IGSF9B: variants seen among roughly 807,000 people sequenced by gnomAD.
IGSF9B encodes the protein protein turtle homolog B.
IGSF9B carries 48 observed loss-of-function variants against 143.7 expected under a neutral mutation model. The observed-to-expected ratio is 0.33, with a 90% CI of 0.26 to 0.42. The LOEUF (loss-of-function observed/expected upper bound fraction) is 0.42, where lower values mean the gene tolerates loss of function less well. Among genes scored for constraint, IGSF9B ranks in the 20% least tolerant of loss-of-function variants. IGSF9B has a pLI of 1.00. For synonymous variants in IGSF9B, 903 were observed against 833.1 expected, an observed-to-expected ratio of 1.08 and a Z score of -1.44; for missense variants, 1,706 against 1,980.0, an observed-to-expected ratio of 0.86 and a Z score of 2.63.
rs1369951933 is a variant in IGSF9B, at chr11:133,905,006, C to T, written c.*4063G>A. On this transcript the variant is annotated 3_prime_UTR_variant, in exon 20 of 20. Transcript: ENST00000533871. This position sits in a 1 kb window ranked among gnomAD's most constrained non-coding sequence, Gnocchi z 4.0. ...CCAGGCAGGGCTGGGTTAGAAGCCCCGGTGGGAATGTGCACAGCTCCTAGA... is the reference window on the plus strand; with the variant it reads ...CCAGGCAGGGCTGGGTTAGAAGCCCTGGTGGGAATGTGCACAGCTCCTAGA... 1.3e-5 allele frequency among the ~76,000 whole-genome samples: 2 copies of T among 150,654 alleles called. No individual in the cohort carries two copies. Among genetic ancestry groups the T allele is most frequent in the Non-Finnish European group, 3.0e-5 (2 of 67,792 alleles).
chr11:133,924,853 C>A lies in IGSF9B; in HGVS notation c.2086G>T (p.Glu696Ter). 1 of 1,613,772 alleles carries A rather than the reference C, an allele frequency of 6.2e-7. No individual in the cohort carries two copies. Among genetic ancestry groups the A allele is most frequent in the Non-Finnish European group, 8.5e-7 (1 of 1,179,818 alleles). ...GAGACGCCGGCGATGTTGCTGGGCT[C>A]GCTGATCAGATCCTGCATGACGGCC... is the stretch of plus-strand genomic sequence containing the variant. ...VLAVMQDLIS[E>*]PSNIAGVSST... is the part of the protein sequence containing the mutation. The change falls in exon 15 of 20, where the codon GAG (glutamate) becomes TAG (stop). Residue 696 changes from glutamate (E) to a stop codon, truncating the protein, a stop_gained. Coordinates refer to ENST00000533871, the MANE Select transcript of IGSF9B (RefSeq NM_001277285.4). LOFTEE classifies it high-confidence loss of function.
chr11:133,953,663 C>T lies in IGSF9B; in HGVS notation c.64+3028G>A, dbSNP rs527381362. Among the ~76,000 whole-genome samples the T allele has an allele frequency of 3.3e-5, 5 of 152,316 alleles. No homozygotes were observed. The highest frequency in any genetic ancestry group is 9.6e-5 in the African/African-American group (4 of 41,566). ...GACACTGTAGTCAGGGATAATGTAA[C>T]GACAGAATCTGTGGCAGACAGAGGA... On this transcript the variant is annotated intron_variant, in intron 1 of 19. Transcript: ENST00000533871. The surrounding 1 kb of genome is among the most constrained non-coding windows in gnomAD (Gnocchi z 4.2).
At chr11:133,944,406 G>C (rs757519264) in intron 2 of IGSF9B, 40 bp from the exon 3 acceptor site, 1 of 1,607,252 alleles carries the variant, frequency 6.2e-7, no homozygotes, top group African/African-American at 1.3e-5. Context: ...CAGGCCATCA[G>C]GTAAGGACAG....
intron 4 of IGSF9B, 76 bp from the exon 5 acceptor site, chr11:133,937,569 G>T: frequency 8.1e-7 from 1 of 1,229,408 alleles, no homozygotes; most frequent in Non-Finnish European, 1.2e-6. Context: ...CGGAGATGCA[G>T]TCGGAGACAC....
intron 1 of IGSF9B, 142 bp downstream of exon 1, chr11:133,956,549 C>T: frequency 3.9e-6 from 2 of 517,692 alleles, no homozygotes; most frequent in South Asian, 5.6e-5. Flanking sequence ...TGGCCCGCGT[C>T]GGAGCCCAAG....
In IGSF9B at chr11:133,906,027, T is replaced by G. The variant is rs1007666058; in HGVS notation, c.*3042A>C. ...GATGCTGAAGAGGCAGACAGACATC[T>G]GAGACACAGAAGCAGGTTTACATCT... On this transcript the variant is annotated 3_prime_UTR_variant, in exon 20 of 20. Coordinates refer to ENST00000533871, the MANE Select transcript of IGSF9B (RefSeq NM_001277285.4). 1.3e-5 allele frequency among the ~76,000 whole-genome samples: 2 copies of G among 152,228 alleles called. No individual in the cohort carries two copies. Among genetic ancestry groups the G allele is most frequent in the African/African-American group, 4.8e-5 (2 of 41,456 alleles).
Position 133,919,756 on chromosome 11 carries a change from C to A in IGSF9B, c.3969G>T (p.Thr1323=). The part of the protein sequence containing the change: ...ELLRPETPPP[T]LPTSGTLPPA... ...GGCGCACTCACCCTGAAGTAGGTAACGTGGGTGGTGGGGTCTCCGGTCGGA... is the reference window on the plus strand; with the variant it reads ...GGCGCACTCACCCTGAAGTAGGTAAAGTGGGTGGTGGGGTCTCCGGTCGGA... Residue 1323 remains threonine, a synonymous_variant, in exon 18 of 20, where the codon ACG becomes ACT. Coordinates refer to ENST00000533871, the MANE Select transcript of IGSF9B (RefSeq NM_001277285.4). 1 of 1,465,502 alleles carries A rather than the reference C, an allele frequency of 6.8e-7. No homozygotes were observed. Among genetic ancestry groups the A allele is most frequent in the Non-Finnish European group, 9.0e-7 (1 of 1,105,524 alleles). The allele number at this position is 1,465,502 out of a possible 1,614,324, so 90.8% of individuals were successfully genotyped here.
At chr11:133,919,134 G>GGGGGGGGGC in intron 18 of IGSF9B, 1 of 419,012 alleles carries the variant, frequency 2.4e-6, no homozygotes, top group Non-Finnish European at 4.8e-6. Context: ...GGGGGTGGGG[G>GGGGGGGGGC]ACGTGTCCTG....
intron 3 of IGSF9B, among the ~76,000 whole-genome samples, chr11:133,939,809 CAG>C (rs1939892328): frequency 6.6e-6 from 1 of 151,170 alleles, no homozygotes; most frequent in African/African-American, 2.4e-5. Flanking sequence ...TCATCGCATG[CAG>C]AAACATACAC....
chr11:133,921,219 T>C lies in IGSF9B; in HGVS notation c.2506A>G (p.Lys836Glu), dbSNP rs1565425731. The C allele has an allele frequency of 6.2e-6, 10 of 1,609,988 alleles. No individual in the cohort carries two copies. The highest frequency in any genetic ancestry group is 8.5e-6 in the Non-Finnish European group (10 of 1,178,424). ...AISSKKYSVA[K>E]AEAEAEATTP... is the part of the protein sequence containing the mutation. ...GTGGCCTCTGCCTCGGCCTCTGCCTTGGCCACGCTGTACTTCTTGCTGCTG... is the reference window on the plus strand; with the variant it reads ...GTGGCCTCTGCCTCGGCCTCTGCCTCGGCCACGCTGTACTTCTTGCTGCTG... The change falls in exon 18 of 20, where the codon AAG becomes GAG. Residue 836 changes from lysine to glutamate, a missense_variant. Physicochemically the swap from Lys to Glu is moderately conservative, Grantham distance 56 (BLOSUM62 1). Around this residue, in one of 7 missense-constraint regions of IGSF9B, gnomAD observed 135 missense variants for 181.3 expected, o/e 0.74. Coordinates refer to ENST00000533871, the MANE Select transcript of IGSF9B (RefSeq NM_001277285.4).
intron 1 of IGSF9B, among the ~76,000 whole-genome samples, chr11:133,950,285 G>A (rs1940134104): frequency 6.6e-6 from 1 of 152,242 alleles, no homozygotes; most frequent in Non-Finnish European, 1.5e-5. Context: ...GGCAAGGTGT[G>A]AGGAGCAGGG....
At position 133,901,174 on chromosome 11, in the gene IGSF9B, C is replaced by T. The variant is rs1939112768; in HGVS notation, c.*7895G>A. On this transcript the variant is annotated 3_prime_UTR_variant, in exon 20 of 20. Coordinates refer to ENST00000533871, the MANE Select transcript of IGSF9B (RefSeq NM_001277285.4). ...CACAACCTTCAGCTCACTTGTCCTT[C>T]CTGCAGGTGGGTTATTTGTTTTGTT... 1 of 152,218 alleles carries T rather than the reference C, an allele frequency of 6.6e-6. No individual in the cohort carries two copies. The highest frequency in any genetic ancestry group is 1.5e-5 in the Non-Finnish European group (1 of 68,036). 9.4% of individuals were successfully genotyped at this position (152,218 alleles called of 1,614,324 possible).
chr11:133,955,539 G>T (rs1940235864), intron 1 of IGSF9B, among the ~76,000 whole-genome samples: 1 of 152,156 alleles, frequency 6.6e-6, no homozygotes, highest in Non-Finnish European at 1.5e-5. Flanking sequence ...CTCTGTCGGC[G>T]AGTCCTGCCT....
At chr11:133,924,469 T>G (rs954197397) in intron 15 of IGSF9B, among the ~76,000 whole-genome samples, 2 of 152,206 alleles carry the variant, frequency 1.3e-5, no homozygotes, top group East Asian at 1.9e-4. Flanking sequence ...TGTTGTTTCC[T>G]CCGATTCACA....
Position 133,956,873 on chromosome 11 carries a change from T to C in IGSF9B, c.-119A>G. On this transcript the variant is annotated 5_prime_UTR_variant, in exon 1 of 20. Coordinates refer to ENST00000533871, the MANE Select transcript of IGSF9B (RefSeq NM_001277285.4). The stretch of plus-strand genomic sequence containing the variant: ...TCGCGCCGCCTACGCCCCGCGCCGG[T>C]GCTCCTGCAGCCCGGGTGGCCAGCT... The C allele has an allele frequency of 2.0e-6, 1 of 507,262 alleles. No homozygotes were observed. The allele number at this position is 507,262 out of a possible 1,614,324, so 31.4% of individuals were successfully genotyped here.
intron 12 of IGSF9B, 84 bp downstream of exon 12, chr11:133,929,587 C>G: frequency 9.8e-7 from 1 of 1,018,616 alleles, no homozygotes; most frequent in Admixed American, 1.8e-5. Flanking sequence ...CCTACCTCCC[C>G]CCACCCGGGG....
intron 15 of IGSF9B, among the ~76,000 whole-genome samples, chr11:133,924,430 T>C (rs1170303758): frequency 6.6e-6 from 1 of 152,174 alleles, no homozygotes; most frequent in East Asian, 1.9e-4. Flanking sequence ...AAGAAGTCTA[T>C]CACAAGCATT....
intron 1 of IGSF9B, among the ~76,000 whole-genome samples, chr11:133,949,916 A>G (rs1017809649): frequency 2.0e-5 from 3 of 152,338 alleles, no homozygotes; most frequent in African/African-American, 7.2e-5. Flanking sequence ...GGCCAGAAAT[A>G]GCGGTGCCCA....
intron 18 of IGSF9B, among the ~76,000 whole-genome samples, chr11:133,917,664 G>A (rs1470130792): frequency 1.3e-5 from 2 of 152,236 alleles, no homozygotes; most frequent in East Asian, 3.9e-4. Context: ...TAGGACTGCA[G>A]GGACCTGACC....
Sources: allele counts gnomAD v4.1 joint callset (sites outside exome capture counted in the v4.1 genomes callset), GRCh38; gene constraint gnomAD v4.1.1; regional missense constraint gnomAD v4.1.1; non-coding constraint Gnocchi (gnomAD v3.1); transcripts MANE v1.5; gene names NCBI Gene and HGNC (gene_info 2026-07-23, HGNC 2026-07-21).